The following MBD5 variants were observed in gnomAD, a reference collection of about 807,000 sequenced individuals.
The protein encoded by MBD5 is methyl-CpG-binding domain protein 5.
Under a neutral mutation model 117.3 loss-of-function variants are expected in MBD5, and 13 were observed. That is an observed-to-expected ratio of 0.11 (90% CI 0.07 to 0.18). MBD5 has a LOEUF of 0.18. Among genes scored for constraint, MBD5 ranks in the 10% least tolerant of loss-of-function variants. The pLI is 1.00. For missense variants in MBD5, 1,879 were observed against 2,093.8 expected (o/e 0.90, Z 2.00); for synonymous variants, 727 against 766.4 (o/e 0.95, Z 0.85).
intron 2 of MBD5, among the ~76,000 whole-genome samples, chr2:148,195,157 C>T (rs1224357615): frequency 1.3e-5 from 2 of 149,166 alleles, no homozygotes; most frequent in Non-Finnish European, 2.9e-5. Context: ...TCCTGCTATA[C>T]TAAATAGAAG....
chr2:148,209,807 A>G (rs1479798787), intron 2 of MBD5, among the ~76,000 whole-genome samples: 6 of 152,178 alleles, frequency 3.9e-5, no homozygotes, highest in Middle Eastern at 6.8e-3. Context: ...GGTGCTACAT[A>G]CTTTTAAACA....
At chr2:148,180,360 A>ATATATATATATATATATG (rs1233664521) in intron 2 of MBD5, among the ~76,000 whole-genome samples, 1 of 118,768 alleles carries the variant, frequency 8.4e-6, no homozygotes, top group African/African-American at 2.8e-5. Flanking sequence ...ATATATATAT[A>ATATATATATATATATATG]TGTATATATG....
intron 4 of MBD5, among the ~76,000 whole-genome samples, chr2:148,427,889 T>A (rs1338935053): frequency 6.6e-6 from 1 of 151,936 alleles, no homozygotes; most frequent in Non-Finnish European, 1.5e-5. Context: ...GCCAATATCA[T>A]ACTGAATGTG....
chr2:148,444,097 G>A (rs1446552), intron 4 of MBD5, among the ~76,000 whole-genome samples: 7,301 of 146,986 alleles, frequency 0.05, 475 homozygotes, highest in Admixed American at 0.098. Context: ...TACATAAAGT[G>A]TTCAGTGCAG....
intron 1 of MBD5, among the ~76,000 whole-genome samples, chr2:148,072,275 A>C (rs1299279216): frequency 1.3e-5 from 2 of 152,166 alleles, no homozygotes; most frequent in Non-Finnish European, 2.9e-5. Flanking sequence ...GCATAGTAAA[A>C]ATGAATCATC....
chr2:148,241,594 T>C (rs1415171498), intron 3 of MBD5, among the ~76,000 whole-genome samples: 1 of 152,250 alleles, frequency 6.6e-6, no homozygotes, highest in East Asian at 1.9e-4. Context: ...TTTCTTCCTT[T>C]CTGGGCCCCC....
chr2:148,072,664 G>T (rs1695394520), intron 1 of MBD5, among the ~76,000 whole-genome samples: 1 of 152,152 alleles, frequency 6.6e-6, no homozygotes, highest in South Asian at 2.1e-4. Context: ...TGAATAAAGT[G>T]ACACTTGATT....
At chr2:148,408,278 C>T (rs1705143302) in intron 4 of MBD5, among the ~76,000 whole-genome samples, 3 of 152,042 alleles carry the variant, frequency 2.0e-5, no homozygotes. Context: ...AAATTGCTTG[C>T]ATCATTTCAT....
rs62787860 is a variant in MBD5, at chr2:148,483,100, T to C, written c.2519-10T>C. ...AACTGGGTTTTGTGTTTTTTTTTTT[T>C]TCATTTTAGGCGGTTCAGGACCATC... is the stretch of plus-strand genomic sequence containing the variant. On this transcript the variant is annotated splice_polypyrimidine_tract_variant and intron_variant, in intron 8 of 13. Transcript: ENST00000642680. 1.4e-5 allele frequency: 22 copies of C among 1,606,450 alleles called. No individual in the cohort carries two copies. The South Asian group carries it at 1.9e-4, about 14-fold the overall frequency.
chr2:148,107,245 A>G (rs1262116987), intron 1 of MBD5, among the ~76,000 whole-genome samples: 1 of 152,032 alleles, frequency 6.6e-6, no homozygotes, highest in Non-Finnish European at 1.5e-5. Flanking sequence ...TCGGGCTTCT[A>G]CTATTTCTTT....
chr2:148,250,826 C>G (rs1381295876), intron 3 of MBD5, among the ~76,000 whole-genome samples: 1 of 152,130 alleles, frequency 6.6e-6, no homozygotes, highest in African/African-American at 2.4e-5. Flanking sequence ...ATGCCTTGCC[C>G]AATGTCACTC....
intron 1 of MBD5, among the ~76,000 whole-genome samples, chr2:148,155,122 T>G (rs1296137914): frequency 6.6e-6 from 1 of 152,178 alleles, no homozygotes; most frequent in Non-Finnish European, 1.5e-5. Context: ...GACAAATTCT[T>G]TGGAGAAAAA....
At chr2:148,154,538 C>T (rs75797922) in intron 1 of MBD5, among the ~76,000 whole-genome samples, 1 of 152,216 alleles carries the variant, frequency 6.6e-6, no homozygotes, top group Non-Finnish European at 1.5e-5. Context: ...AGCCTGGCTG[C>T]CGCCTTGCAA....
intron 7 of MBD5, among the ~76,000 whole-genome samples, chr2:148,466,283 G>A (rs1156866653): frequency 3.9e-5 from 6 of 152,190 alleles, no homozygotes; most frequent in African/African-American, 1.2e-4. Context: ...TGGGTGCCTA[G>A]CATTTCCACT....
At chr2:148,242,684 A>G (rs1700241453) in intron 3 of MBD5, among the ~76,000 whole-genome samples, 1 of 152,058 alleles carries the variant, frequency 6.6e-6, no homozygotes, top group Admixed American at 6.5e-5. Flanking sequence ...TGAAGAATGT[A>G]TTAAAAAACT....
chr2:148,228,745 T>G (rs1699905133), intron 2 of MBD5, among the ~76,000 whole-genome samples: 1 of 152,184 alleles, frequency 6.6e-6, no homozygotes, highest in Non-Finnish European at 1.5e-5. Context: ...GTCCTGGACT[T>G]TTTTTAATTG....
At chr2:148,217,158 C>T (rs1013834978) in intron 2 of MBD5, among the ~76,000 whole-genome samples, 2 of 152,078 alleles carry the variant, frequency 1.3e-5, no homozygotes, top group African/African-American at 2.4e-5. Context: ...TTCCATGTCA[C>T]GTCTTCTGTG....
intron 4 of MBD5, among the ~76,000 whole-genome samples, chr2:148,398,480 C>T (rs1167942286): frequency 1.3e-5 from 2 of 152,118 alleles, no homozygotes; most frequent in Non-Finnish European, 2.9e-5. Context: ...ATATCCTTAG[C>T]CCACTTTTTG....
At chr2:148,052,660 T>G (rs1694748246) in intron 1 of MBD5, among the ~76,000 whole-genome samples, 1 of 152,200 alleles carries the variant, frequency 6.6e-6, no homozygotes. Flanking sequence ...TTTGACCTAT[T>G]GATTATTTAG....
Sources: allele counts gnomAD v4.1 joint callset (sites outside exome capture counted in the v4.1 genomes callset), GRCh38; gene constraint gnomAD v4.1.1; transcripts MANE v1.5; gene names NCBI Gene and HGNC (gene_info 2026-07-23, HGNC 2026-07-21).